Variants in PDE3B observed in about 807,000 individuals in gnomAD.
The protein encoded by PDE3B is phosphodiesterase 3B.
In PDE3B, 66 loss-of-function variants were observed where a neutral mutation model predicts 116.8. The ratio of observed to expected loss-of-function variants is 0.56; its 90% CI spans 0.46 to 0.69. The LOEUF (loss-of-function observed/expected upper bound fraction) is 0.69, where lower values mean the gene tolerates loss of function less well. Among genes scored for constraint, PDE3B ranks in the 30% least tolerant of loss-of-function variants. The pLI, the probability that PDE3B is intolerant of heterozygous loss-of-function variation, is 0.00. For synonymous variants in PDE3B, 595 were observed against 533.6 expected, an observed-to-expected ratio of 1.12 and a Z score of -1.59; for missense variants, 1,384 against 1,368.1, an observed-to-expected ratio of 1.01 and a Z score of -0.18.
chr11:14,844,303 T>G (rs1001266914), intron 12 of PDE3B, among the ~76,000 whole-genome samples: 1 of 152,236 alleles, frequency 6.6e-6, no homozygotes, highest in African/African-American at 2.4e-5. Context: ...ATTTTTGTCT[T>G]TAATCAAACC....
intron 1 of PDE3B, among the ~76,000 whole-genome samples, chr11:14,725,309 C>CTGTTTCTT (rs1393019002): frequency 1.4e-5 from 2 of 147,312 alleles, no homozygotes; most frequent in Non-Finnish European, 3.0e-5. Flanking sequence ...TTCTTTCTTT[C>CTGTTTCTT]TCTTTCTTTC....
chr11:14,737,661 C>CCCT (rs1856640018), intron 1 of PDE3B, among the ~76,000 whole-genome samples: 1 of 152,156 alleles, frequency 6.6e-6, no homozygotes. Context: ...TACACATGCA[C>CCCT]AATGTGCAGG....
At chr11:14,844,391 G>T (rs1847542759) in intron 12 of PDE3B, among the ~76,000 whole-genome samples, 1 of 152,226 alleles carries the variant, frequency 6.6e-6, no homozygotes, top group African/African-American at 2.4e-5. Context: ...CTGGTCTACA[G>T]CTCCCAGCGT....
chr11:14,894,833 A>G, the PDE3B span, among the ~76,000 whole-genome samples: 1 of 152,234 alleles, frequency 6.6e-6, no homozygotes, highest in Non-Finnish European at 1.5e-5. Context: ...GAGTGATAGA[A>G]AACAATCAAT....
intron 1 of PDE3B, among the ~76,000 whole-genome samples, chr11:14,659,721 A>G (rs561065467): frequency 1.3e-5 from 2 of 152,244 alleles, no homozygotes; most frequent in African/African-American, 2.4e-5. Flanking sequence ...CATCAAGTAC[A>G]TTTTTGTCAG....
Position 14,870,420 on chromosome 11 carries a change from A to G in PDE3B, c.*760A>G, listed in dbSNP as rs1447549117. 1.3e-5 allele frequency: 2 copies of G among 152,628 alleles called. No individual in the cohort carries two copies. The highest frequency in any genetic ancestry group is 2.4e-5 in the African/African-American group (1 of 41,450). 9.5% of individuals were successfully genotyped at this position (152,628 alleles called of 1,614,324 possible). ...ATTTTAAAGCTGTTTAGGTTTAACA[A>G]TGAAGGGATTTATTCTTTAGTCAAA... On this transcript the variant is annotated 3_prime_UTR_variant, in exon 16 of 16. Transcript: ENST00000282096. This position sits in a 1 kb window ranked among gnomAD's most constrained non-coding sequence, Gnocchi z 4.1.
intron 3 of PDE3B, 128 bp from the exon 4 acceptor site, chr11:14,788,978 A>G (rs1858301577): frequency 1.7e-6 from 1 of 585,246 alleles, no homozygotes; most frequent in Non-Finnish European, 2.8e-6. Flanking sequence ...TCAGAATAAA[A>G]TGTTTCTTTT....
rs189818247 is a variant in PDE3B at position 14,722,895 on chromosome 11, T to C, written c.979-49042T>C. Among the ~76,000 whole-genome samples, 671 of 152,310 alleles carry C rather than the reference T, an allele frequency of 4.4e-3. 3 individuals carry two copies. The highest frequency in any genetic ancestry group is 0.015 in the African/African-American group (603 of 41,576). ...GATATTTTTTTTAGAATGGAGGTGC[T>C]TGGTGTTAAATGATAAATAGATACA... On this transcript the variant is annotated intron_variant, in intron 1 of 15. Coordinates refer to ENST00000282096, the MANE Select transcript of PDE3B (RefSeq NM_000922.4).
chr11:14,804,843 T>C (rs1858873708), intron 5 of PDE3B, among the ~76,000 whole-genome samples: 1 of 151,828 alleles, frequency 6.6e-6, no homozygotes, highest in Non-Finnish European at 1.5e-5. Context: ...AGAAAAGAAA[T>C]GGACAGTCTA....
At chr11:14,894,100 C>G in the PDE3B span, among the ~76,000 whole-genome samples, 4 of 152,162 alleles carry the variant, frequency 2.6e-5, no homozygotes, top group African/African-American at 9.7e-5. Flanking sequence ...TTGTGACTAT[C>G]CCCAGGGGCT....
At chr11:14,858,088 G>A (rs1426049592) in intron 12 of PDE3B, among the ~76,000 whole-genome samples, 1 of 152,104 alleles carries the variant, frequency 6.6e-6, no homozygotes, top group Non-Finnish European at 1.5e-5. Context: ...ATGCATCTGT[G>A]CTTAAATCTA....
rs1472612137 is a variant in PDE3B at position 14,753,544 on chromosome 11, A to C, written c.979-18393A>C. 4.6e-5 allele frequency among the ~76,000 whole-genome samples: 7 copies of C among 152,128 alleles called. No homozygotes were observed. The East Asian group carries it at 1.3e-3, about 29-fold the overall frequency. The stretch of plus-strand genomic sequence containing the variant: ...AAAATTACGATGGTAAGAATCCAAT[A>C]GCTTTGATTTCCTTAGGTAAATATT... On this transcript the variant is annotated intron_variant, in intron 1 of 15. Coordinates refer to ENST00000282096, the MANE Select transcript of PDE3B (RefSeq NM_000922.4).
chr11:14,719,010 T>C (rs1392904873), intron 1 of PDE3B, among the ~76,000 whole-genome samples: 7 of 110,916 alleles, frequency 6.3e-5, no homozygotes, highest in Non-Finnish European at 9.2e-5. Context: ...ATCAACAAAA[T>C]TGATAGACTG....
chr11:14,863,048 CT>C (rs1378417964), intron 14 of PDE3B, among the ~76,000 whole-genome samples: 2 of 152,014 alleles, frequency 1.3e-5, no homozygotes, highest in Non-Finnish European at 2.9e-5. Flanking sequence ...CCCCTACCCC[CT>C]AACAGGCCCC....
At chr11:14,813,374 G>T (rs1384435424) in intron 5 of PDE3B, among the ~76,000 whole-genome samples, 2 of 152,126 alleles carry the variant, frequency 1.3e-5, no homozygotes, top group Non-Finnish European at 2.9e-5. Flanking sequence ...GAGCTTGCCT[G>T]CCTGGATTCC....
chr11:14,688,113 T>TTCTC (rs35700152), intron 1 of PDE3B, among the ~76,000 whole-genome samples: 1,749 of 109,884 alleles, frequency 0.016, 37 homozygotes, highest in African/African-American at 0.051. Context: ...CTCTCTCTCT[T>TTCTC]TCTCTCTCTC....
chr11:14,888,206 A>G, the PDE3B span, among the ~76,000 whole-genome samples: 1 of 152,164 alleles, frequency 6.6e-6, no homozygotes, highest in African/African-American at 2.4e-5. Context: ...TATATTATAT[A>G]ATTTACTTGT....
At chr11:14,712,456 G>T (rs751878847) in intron 1 of PDE3B, among the ~76,000 whole-genome samples, 1 of 134,158 alleles carries the variant, frequency 7.5e-6, no homozygotes, top group African/African-American at 2.7e-5. Flanking sequence ...TTATTTGGAC[G>T]TACAAGCTTG....
At chr11:14,745,117 A>G (rs1590109986) in intron 1 of PDE3B, among the ~76,000 whole-genome samples, 2 of 152,150 alleles carry the variant, frequency 1.3e-5, no homozygotes, top group Non-Finnish European at 2.9e-5. Flanking sequence ...GAGCCACTGC[A>G]CCAGCCGAAG....
Sources: allele counts gnomAD v4.1 joint callset (sites outside exome capture counted in the v4.1 genomes callset), GRCh38; gene constraint gnomAD v4.1.1; non-coding constraint Gnocchi (gnomAD v3.1); transcripts MANE v1.5; gene names NCBI Gene and HGNC (gene_info 2026-07-23, HGNC 2026-07-21).